Variants in ST7L observed in about 807,000 individuals in gnomAD.
The protein encoded by ST7L is suppression of tumorigenicity 7 like, also known as suppressor of tumorigenicity 7 protein-like.
ST7L carries 57 observed loss-of-function variants against 72.5 expected under a neutral mutation model. That is an observed-to-expected ratio of 0.79 (90% CI 0.64 to 0.98). ST7L has a LOEUF of 0.98. Ranked by LOEUF, ST7L falls within the 50% of genes least tolerant of loss-of-function variation. ST7L has a pLI of 0.00. For missense variants in ST7L, 576 were observed against 672.2 expected (o/e 0.86, Z 1.58); for synonymous variants, 221 against 240.9 (o/e 0.92, Z 0.77).
At chr1:112,577,552 A>C (rs1663335773) in intron 10 of ST7L, among the ~76,000 whole-genome samples, 1 of 151,158 alleles carries the variant, frequency 6.6e-6, no homozygotes, top group African/African-American at 2.4e-5. Context: ...AAAAAAAAAA[A>C]AAAGTATAGT....
intron 14 of ST7L, chr1:112,528,170 T>A (rs1417075140): frequency 6.6e-6 from 1 of 152,074 alleles, no homozygotes; most frequent in East Asian, 1.9e-4. Flanking sequence ...AAAGATAGCT[T>A]TATGTGTTTT....
rs564681605 is a variant in ST7L at position 112,533,441 on chromosome 1, C to G, written c.1630-7330G>C. Reference sequence around the variant, plus strand: ...TCAAGTGATTCTCCTGCCTCAGCCTCCCAAGTAGCTGGGACTACAGGCGCG... The same window carrying G: ...TCAAGTGATTCTCCTGCCTCAGCCTGCCAAGTAGCTGGGACTACAGGCGCG... On this transcript the variant is annotated intron_variant, in intron 14 of 14. Transcript: ENST00000358039. Among the ~76,000 whole-genome samples, 3 of 152,086 alleles carry G rather than the reference C, an allele frequency of 2.0e-5. No individual in the cohort carries two copies. In the East Asian group the frequency reaches 5.8e-4, roughly 29 times the overall value.
chr1:112,586,583 GCTTATA>G (rs1395796711), intron 6 of ST7L, among the ~76,000 whole-genome samples: 5 of 152,072 alleles, frequency 3.3e-5, no homozygotes, highest in African/African-American at 9.7e-5. Context: ...ATAATTATAT[GCTTATA>G]TTTTGAATGT....
At chr1:112,616,613 G>A (rs948685023) in intron 2 of ST7L, among the ~76,000 whole-genome samples, 200 bp downstream of exon 2, 2 of 151,820 alleles carry the variant, frequency 1.3e-5, no homozygotes, top group African/African-American at 4.8e-5. Context: ...CATGGTGGCC[G>A]GCACCTGTAA....
chr1:112,586,559 A>G (rs1431279112), intron 6 of ST7L, among the ~76,000 whole-genome samples: 1 of 152,210 alleles, frequency 6.6e-6, no homozygotes, highest in Non-Finnish European at 1.5e-5. Context: ...ATGGGTATAA[A>G]TCAAAATATA....
chr1:112,548,489 A>G (rs1324846150), intron 13 of ST7L, among the ~76,000 whole-genome samples: 3 of 152,228 alleles, frequency 2.0e-5, no homozygotes, highest in Non-Finnish European at 4.4e-5. Flanking sequence ...AAGGAAAATA[A>G]AAAACATTAG....
chr1:112,608,270 C>A (rs1668567117), intron 3 of ST7L, among the ~76,000 whole-genome samples: 1 of 152,156 alleles, frequency 6.6e-6, no homozygotes, highest in African/African-American at 2.4e-5. Flanking sequence ...CCCCTTACCT[C>A]AGCCTCCTAA....
chr1:112,582,079 T>A lies in ST7L; in HGVS notation c.982A>T (p.Met328Leu). The A allele has an allele frequency of 1.9e-6, 3 of 1,612,610 alleles. No individual in the cohort carries two copies. Among genetic ancestry groups the A allele is most frequent in the Non-Finnish European group, 2.5e-6 (3 of 1,179,036 alleles). The change falls in exon 9 of 15, where the codon ATG becomes TTG. Residue 328 changes from methionine to leucine, a missense_variant. By Grantham distance (15) the Met-to-Leu change is conservative. Around this residue, in one of 3 missense-constraint regions of ST7L, gnomAD observed 511 missense variants for 600.7 expected, o/e 0.85. Coordinates refer to ENST00000358039, the MANE Select transcript of ST7L (RefSeq NM_017744.5). ...AAGAGATTTTCATGGATGTTCAACA[T>A]GGTAAGAGGAGGAAATTCTTTCATC... ...DLMKEFPPLT[M>L]LNIHENLLES...
chr1:112,619,378 C>A, upstream of ST7L: 1 of 567,652 alleles, frequency 1.8e-6, no homozygotes, highest in Non-Finnish European at 3.1e-6. Flanking sequence ...TTACCGCTTC[C>A]AAACGAAATG....
Position 112,547,561 on chromosome 1 carries a change from C to CTTTTTTT in ST7L, c.1489+3033_1489+3039dup, listed in dbSNP as rs59755766. Among the ~76,000 whole-genome samples, 35 of 62,028 alleles carry CTTTTTTT rather than the reference C, an allele frequency of 5.6e-4. 7 individuals are homozygous for CTTTTTTT. Among genetic ancestry groups the CTTTTTTT allele is most frequent in the East Asian group, 1.9e-3 (3 of 1,572 alleles). 40.7% of individuals were successfully genotyped at this position (62,028 alleles called of 152,430 possible). ...ACACATTGTCTGTCATCTTTGTCAT[C>CTTTTTTT]TTTTTTTTTTTTTTTTTTTTTTTTT... is the stretch of plus-strand genomic sequence containing the variant. On this transcript the variant is annotated intron_variant, in intron 13 of 14. Coordinates refer to ENST00000358039, the MANE Select transcript of ST7L (RefSeq NM_017744.5).
intron 2 of ST7L, among the ~76,000 whole-genome samples, chr1:112,614,238 A>AAAAT (rs1669508410): frequency 1.3e-5 from 2 of 151,012 alleles, no homozygotes; most frequent in Non-Finnish European, 2.9e-5. Context: ...TAGTTTCTTT[A>AAAAT]AAACAAACAA....
chr1:112,570,223 T>A (rs749148010), intron 11 of ST7L, among the ~76,000 whole-genome samples: 2 of 152,120 alleles, frequency 1.3e-5, no homozygotes, highest in African/African-American at 2.4e-5. Flanking sequence ...CATGCTGTTC[T>A]ATTTTTTTTA....
At chr1:112,522,432 CCTT>C (rs1463070213), downstream of ST7L, 1 of 152,240 alleles carries the variant, frequency 6.6e-6, no homozygotes, top group African/African-American at 2.4e-5. Context: ...TAGGAACAGT[CCTT>C]CTTTAGGACT....
downstream of ST7L, chr1:112,522,049 G>C (rs938954122): frequency 7.2e-5 from 11 of 151,786 alleles, no homozygotes; most frequent in African/African-American, 2.7e-4. Flanking sequence ...ATTTCTTTTA[G>C]AGATAGGGTC....
chr1:112,550,513 C>T (rs910485576), intron 13 of ST7L, 88 bp downstream of exon 13: 1 of 989,572 alleles, frequency 1.0e-6, no homozygotes, highest in African/African-American at 1.6e-5. Flanking sequence ...TGAATTTAAA[C>T]CAAAGGCATT....
intron 11 of ST7L, among the ~76,000 whole-genome samples, chr1:112,557,122 C>T (rs1237072693): frequency 6.6e-6 from 1 of 151,736 alleles, no homozygotes; most frequent in African/African-American, 2.4e-5. Flanking sequence ...AGAATTCACC[C>T]ATTAAAGTAT....
chr1:112,567,795 T>C (rs1405126442), intron 11 of ST7L, among the ~76,000 whole-genome samples: 1 of 152,132 alleles, frequency 6.6e-6, no homozygotes. Context: ...TGACAGTATA[T>C]ATGTGGATCC....
chr1:112,527,984 T>C (rs914187206), intron 14 of ST7L: 3 of 152,184 alleles, frequency 2.0e-5, no homozygotes, highest in Admixed American at 2.0e-4. Flanking sequence ...TGGAGGAAGA[T>C]GATCATTCCT....
chr1:112,589,439 T>C (rs1665353784), intron 6 of ST7L, among the ~76,000 whole-genome samples: 1 of 152,190 alleles, frequency 6.6e-6, no homozygotes, highest in South Asian at 2.1e-4. Flanking sequence ...TTTCTTTGCA[T>C]GCCTTGTAAT....
Sources: gnomAD v4.1 joint callset for allele counts (sites outside exome capture counted in the v4.1 genomes callset) on GRCh38, gnomAD v4.1.1 for gene constraint, gnomAD v4.1.1 regional missense constraint, MANE v1.5 for transcripts, NCBI Gene and HGNC (gene_info 2026-07-23, HGNC 2026-07-21) for gene names.